Variants in PANK2 observed in about 807,000 individuals in gnomAD.
PANK2 encodes the protein pantothenate kinase 2, also known as pantothenate kinase 2, mitochondrial.
PANK2 carries 36 observed loss-of-function variants against 43.1 expected under a neutral mutation model. The ratio of observed to expected loss-of-function variants is 0.84; its 90% CI spans 0.64 to 1.10. The LOEUF (loss-of-function observed/expected upper bound fraction) is 1.10. Ranked by LOEUF, PANK2 falls within the 50% of genes least tolerant of loss-of-function variation. The probability of loss-of-function intolerance (pLI) is 0.00; values close to 1 mark genes in which losing one functional copy is unlikely to be tolerated. For synonymous variants in PANK2, 281 were observed against 238.2 expected, an observed-to-expected ratio of 1.18 and a Z score of -1.66; for missense variants, 576 against 593.3, an observed-to-expected ratio of 0.97 and a Z score of 0.30.
upstream of PANK2, chr20:3,889,134 C>T (rs374286033): frequency 7.2e-5 from 113 of 1,562,132 alleles, 1 homozygote; most frequent in African/African-American, 1.4e-3. Flanking sequence ...CCCACGCGTC[C>T]ATTGGGCGGC....
upstream of PANK2, chr20:3,889,372 C>T (rs757651957): frequency 4.4e-6 from 7 of 1,575,388 alleles, no homozygotes; most frequent in Admixed American, 1.9e-5. Flanking sequence ...GGCGGCCGGC[C>T]GAGGGCGCGC....
Position 3,926,411 on chromosome 20 carries a change from T to C in PANK2, c.*3117T>C, listed in dbSNP as rs1341866630. 1 of 152,128 alleles carries C rather than the reference T, an allele frequency of 6.6e-6. No individual in the cohort carries two copies. Among genetic ancestry groups the C allele is most frequent in the African/African-American group, 2.4e-5 (1 of 41,414 alleles). 9.4% of individuals were successfully genotyped at this position (152,128 alleles called of 1,614,324 possible). On this transcript the variant is annotated 3_prime_UTR_variant, in exon 7 of 7. Coordinates refer to ENST00000610179, the MANE Select transcript of PANK2 (RefSeq NM_001386393.1). The stretch of plus-strand genomic sequence containing the variant: ...ACTGAGAAGAGGAGCTCTCTAGGCA[T>C]CTGAATTGAGGTTGCCCACAATTGG...
chr20:3,918,596 G>A, intron 5 of PANK2, 75 bp from the exon 6 acceptor site: 1 of 1,588,160 alleles, frequency 6.3e-7, no homozygotes, highest in South Asian at 1.1e-5. Context: ...TGCACATGGT[G>A]CTGTATTTGG....
chr20:3,893,380 A>C (rs912827858), intron 1 of PANK2, among the ~76,000 whole-genome samples: 14 of 152,214 alleles, frequency 9.2e-5, no homozygotes, highest in African/African-American at 3.1e-4. Flanking sequence ...AAAGGGGTCT[A>C]AAATTATATT....
intron 1 of PANK2, among the ~76,000 whole-genome samples, chr20:3,890,143 T>G (rs1385653630): frequency 6.6e-6 from 1 of 151,804 alleles, no homozygotes; most frequent in African/African-American, 2.4e-5. Flanking sequence ...TCTCTAATAC[T>G]TTAAGTCCCT....
In PANK2 at chr20:3,925,788, G is replaced by C. The variant is rs931602847; in HGVS notation, c.*2494G>C. 1.3e-5 allele frequency: 2 copies of C among 152,236 alleles called. No individual in the cohort carries two copies. Among genetic ancestry groups the C allele is most frequent in the Non-Finnish European group, 2.9e-5 (2 of 68,224 alleles). 9.4% of individuals were successfully genotyped at this position (152,236 alleles called of 1,614,324 possible). A position where few individuals can be genotyped will look rare whatever the true frequency, so the allele number is the denominator to read the frequency against. On this transcript the variant is annotated 3_prime_UTR_variant, in exon 7 of 7. Transcript: ENST00000610179. ...AACACTTCAACCACCCCTTACCTCT[G>C]AGCTCCAGCCCCGAGACACTGCCTT...
chr20:3,906,662 AAAAAC>A (rs200319878), intron 1 of PANK2, among the ~76,000 whole-genome samples: 2,494 of 152,256 alleles, frequency 0.016, 76 homozygotes, highest in African/African-American at 0.057. Context: ...TAAAAATAAA[AAAAAC>A]AATAAATACT....
At chr20:3,891,792 G>A (rs1357552361) in intron 1 of PANK2, among the ~76,000 whole-genome samples, 1 of 152,210 alleles carries the variant, frequency 6.6e-6, no homozygotes, top group Non-Finnish European at 1.5e-5. Flanking sequence ...TTTACACTGG[G>A]TGGGGAGAAT....
In PANK2 at chr20:3,917,019, G is replaced by A; in HGVS notation, c.1175G>A (p.Gly392Asp). 6.2e-7 allele frequency: 1 copy of A among 1,613,968 alleles called. No individual in the cohort carries two copies. Among genetic ancestry groups the A allele is most frequent in the Non-Finnish European group, 8.5e-7 (1 of 1,179,980 alleles). Residue 392 changes from glycine (G) to aspartate (D), a missense_variant, in exon 5 of 7, where the codon GGC becomes GAC. Coordinates refer to ENST00000610179, the MANE Select transcript of PANK2 (RefSeq NM_001386393.1). ...TTGATCACCATCACCAACAACATTG[G>A]CTCAATAGCAAGAATGTGTGCCCTT...
chr20:3,918,821 A>T (rs771371456), intron 6 of PANK2, 25 bp downstream of exon 6: 11 of 1,613,996 alleles, frequency 6.8e-6, no homozygotes, highest in Non-Finnish European at 9.3e-6. Flanking sequence ...TCGTTGTGGT[A>T]TATTATGTAC....
intron 3 of PANK2, among the ~76,000 whole-genome samples, chr20:3,912,171 A>C (rs991897096): frequency 1.3e-5 from 2 of 152,154 alleles, no homozygotes; most frequent in Non-Finnish European, 1.5e-5. Flanking sequence ...GCATGGCCCC[A>C]GGCGTGTCAG....
intron 1 of PANK2, 86 bp from the exon 2 acceptor site, chr20:3,907,840 G>A (rs1050370307): frequency 1.7e-6 from 2 of 1,149,130 alleles, no homozygotes; most frequent in African/African-American, 3.1e-5. Flanking sequence ...GGAAACCCTA[G>A]CGTTTGAAAT....
At chr20:3,900,081 G>A (rs1005108808) in intron 1 of PANK2, among the ~76,000 whole-genome samples, 1 of 151,742 alleles carries the variant, frequency 6.6e-6, no homozygotes, top group Admixed American at 6.6e-5. Flanking sequence ...GTGTTGTTTG[G>A]TCTGCTAGTA....
chr20:3,894,665 G>T (rs1431033806), intron 1 of PANK2, among the ~76,000 whole-genome samples: 1 of 148,692 alleles, frequency 6.7e-6, no homozygotes, highest in Non-Finnish European at 1.5e-5. Context: ...TGCAACCTCT[G>T]TCTCCCAGGT....
intron 1 of PANK2, among the ~76,000 whole-genome samples, chr20:3,894,617 C>T (rs527644638): frequency 4.8e-5 from 7 of 145,584 alleles, no homozygotes; most frequent in African/African-American, 1.3e-4. Context: ...CTTACTCTGT[C>T]GCCCAGGCTG....
chr20:3,913,740 A>G (rs1194749553), intron 4 of PANK2, among the ~76,000 whole-genome samples: 1 of 150,766 alleles, frequency 6.6e-6, no homozygotes, highest in Non-Finnish European at 1.5e-5. Context: ...GAACATTTAT[A>G]TGTAAGTCTT....
chr20:3,889,344 C>T (rs867605776), upstream of PANK2: 1 of 1,586,394 alleles, frequency 6.3e-7, no homozygotes. Context: ...GCTTCCTGCG[C>T]GTTGGCGCAA....
At chr20:3,903,017 A>ACACACACACC (rs1568564374) in intron 1 of PANK2, among the ~76,000 whole-genome samples, 1 of 118,792 alleles carries the variant, frequency 8.4e-6, no homozygotes, top group African/African-American at 3.2e-5. Context: ...ACACACACAC[A>ACACACACACC]CCCCTTTTAC....
intron 3 of PANK2, 55 bp downstream of exon 3, chr20:3,910,885 T>G: frequency 6.2e-7 from 1 of 1,601,862 alleles, no homozygotes; most frequent in Non-Finnish European, 8.5e-7. Context: ...GGGCTGAGTT[T>G]TCAGGTATTA....
Sources: gnomAD v4.1 joint callset for allele counts (sites outside exome capture counted in the v4.1 genomes callset) on GRCh38, gnomAD v4.1.1 for gene constraint, MANE v1.5 for transcripts, NCBI Gene and HGNC (gene_info 2026-07-23, HGNC 2026-07-21) for gene names.